The following DNM3 variants were observed in gnomAD, a reference collection of about 807,000 sequenced individuals.
DNM3 encodes dynamin-3.
DNM3 carries 47 observed loss-of-function variants against 101.6 expected under a neutral mutation model. The ratio of observed to expected loss-of-function variants is 0.46; its 90% confidence interval spans 0.37 to 0.59. The LOEUF (loss-of-function observed/expected upper bound fraction) is 0.59, where lower values mean the gene tolerates loss of function less well. Ranked by LOEUF, DNM3 falls within the 20% of genes least tolerant of loss-of-function variation. The pLI is 0.00. For missense variants in DNM3, 849 were observed against 1,085.7 expected, an observed-to-expected ratio of 0.78 and a Z score of 3.06; for synonymous variants, 385 against 387.9, an observed-to-expected ratio of 0.99 and a Z score of 0.09.
chr1:172,403,228 A>G (rs1280890818), intron 20 of DNM3, among the ~76,000 whole-genome samples: 1 of 152,152 alleles, frequency 6.6e-6, no homozygotes, highest in Non-Finnish European at 1.5e-5. Context: ...CAGTCAGATA[A>G]TTCCTACTTC....
At chr1:172,263,384 T>C (rs2062739465) in intron 15 of DNM3, among the ~76,000 whole-genome samples, 1 of 152,258 alleles carries the variant, frequency 6.6e-6, no homozygotes, top group South Asian at 2.1e-4. Flanking sequence ...TTCCAATTTA[T>C]TCTGTTATGC....
intron 15 of DNM3, among the ~76,000 whole-genome samples, chr1:172,260,536 G>C (rs764689939): frequency 6.6e-6 from 1 of 151,524 alleles, no homozygotes; most frequent in Non-Finnish European, 1.5e-5. Context: ...TTATTTTTGT[G>C]TGACTGGGTT....
At chr1:171,842,626 G>C (rs189049834) in intron 1 of DNM3, among the ~76,000 whole-genome samples, 106 of 152,006 alleles carry the variant, frequency 7.0e-4, no homozygotes, top group African/African-American at 2.5e-3. Context: ...CATCTTTCTC[G>C]CACTCTCTCT....
chr1:172,167,068 C>A (rs1475434292), intron 14 of DNM3, among the ~76,000 whole-genome samples: 2 of 151,994 alleles, frequency 1.3e-5, no homozygotes, highest in Non-Finnish European at 2.9e-5. Flanking sequence ...ATCCCTCCCC[C>A]ATCTCCCCAC....
At chr1:172,077,353 T>C (rs1230139206) in intron 11 of DNM3, among the ~76,000 whole-genome samples, 2 of 152,178 alleles carry the variant, frequency 1.3e-5, no homozygotes, top group African/African-American at 4.8e-5. Context: ...TCTTGTCTTC[T>C]GTTACCTTTT....
At chr1:172,041,864 A>G (rs1178893314) in intron 7 of DNM3, 145 bp from the exon 8 acceptor site, 1 of 698,374 alleles carries the variant, frequency 1.4e-6, no homozygotes, top group East Asian at 2.6e-5. Context: ...TGTGAGTACT[A>G]CATAGAGTGC....
chr1:172,342,012 C>T (rs2066708912), intron 17 of DNM3, among the ~76,000 whole-genome samples: 1 of 152,046 alleles, frequency 6.6e-6, no homozygotes, highest in African/African-American at 2.4e-5. Context: ...TGTTCAACAT[C>T]ACTAATCATT....
chr1:172,361,353 T>A (rs1292229625), intron 17 of DNM3, among the ~76,000 whole-genome samples: 1 of 152,012 alleles, frequency 6.6e-6, no homozygotes, highest in African/African-American at 2.4e-5. Context: ...CATTTGAATG[T>A]TAAAACATAG....
Position 172,408,464 on chromosome 1 carries a change from T to G in DNM3, c.*623T>G. 1 of 985,414 alleles carries G rather than the reference T, an allele frequency of 1.0e-6. No homozygotes were observed. The highest frequency in any genetic ancestry group is 1.2e-6 in the Non-Finnish European group (1 of 829,916). The allele number at this position is 985,414 out of a possible 1,614,324, so 61.0% of individuals were successfully genotyped here. ...GTTTGCTCTAAAGAGCTTCTCCTCA[T>G]TCCAATGTGTTTTGCTTCATGCTAG... On this transcript the variant is annotated 3_prime_UTR_variant, in exon 21 of 21. Transcript: ENST00000627582.
intron 2 of DNM3, among the ~76,000 whole-genome samples, chr1:171,950,326 T>A (rs2042437920): frequency 6.6e-6 from 1 of 152,176 alleles, no homozygotes; most frequent in Non-Finnish European, 1.5e-5. Context: ...GAAACTATAA[T>A]TTAAATTTTT....
At chr1:172,063,775 C>CAAAAAAAAAA (rs11317272) in intron 10 of DNM3, among the ~76,000 whole-genome samples, 1 of 87,774 alleles carries the variant, frequency 1.1e-5, no homozygotes, top group Non-Finnish European at 2.4e-5. Context: ...GAGACTTTGT[C>CAAAAAAAAAA]AAAAAAAAAA....
At chr1:172,321,923 A>G (rs1324070915) in intron 16 of DNM3, among the ~76,000 whole-genome samples, 1 of 152,132 alleles carries the variant, frequency 6.6e-6, no homozygotes, top group Non-Finnish European at 1.5e-5. Flanking sequence ...ATCATTTTTA[A>G]AAAGGACTCT....
At chr1:172,284,673 T>C (rs778444715) in intron 15 of DNM3, among the ~76,000 whole-genome samples, 11 of 152,212 alleles carry the variant, frequency 7.2e-5, no homozygotes, top group Non-Finnish European at 1.6e-4. Flanking sequence ...TTCCATTTTC[T>C]TCTACAGAGA....
intron 12 of DNM3, among the ~76,000 whole-genome samples, chr1:172,083,382 C>A (rs1438039522): frequency 3.9e-5 from 6 of 152,170 alleles, no homozygotes; most frequent in African/African-American, 1.4e-4. Context: ...CTGACACATT[C>A]TTCATTTTCC....
intron 14 of DNM3, among the ~76,000 whole-genome samples, chr1:172,140,922 T>A: frequency 6.6e-6 from 1 of 152,006 alleles, no homozygotes; most frequent in Non-Finnish European, 1.5e-5. Flanking sequence ...AATTATAGGT[T>A]GAATATTAGT....
intron 4 of DNM3, among the ~76,000 whole-genome samples, chr1:172,006,196 A>G (rs2046676530): frequency 6.6e-6 from 1 of 152,090 alleles, no homozygotes; most frequent in East Asian, 1.9e-4. Flanking sequence ...AAGTCTTTCT[A>G]TGCTGGCAGT....
intron 18 of DNM3, among the ~76,000 whole-genome samples, chr1:172,379,953 C>A (rs1405442193): frequency 6.6e-6 from 1 of 151,962 alleles, no homozygotes; most frequent in African/African-American, 2.4e-5. Context: ...TTTTCTGAAT[C>A]TTGACAAGTG....
At chr1:172,048,181 A>G (rs1558481964) in intron 9 of DNM3, among the ~76,000 whole-genome samples, 2 of 152,162 alleles carry the variant, frequency 1.3e-5, no homozygotes, top group African/African-American at 4.8e-5. Flanking sequence ...TTACTGTCTT[A>G]TACTCCCAGT....
chr1:172,027,962 C>T (rs1046794553), intron 4 of DNM3, among the ~76,000 whole-genome samples: 17 of 152,120 alleles, frequency 1.1e-4, no homozygotes, highest in African/African-American at 4.1e-4. Context: ...TGGACTTCCA[C>T]ATAATAATAG....
Sources: allele counts gnomAD v4.1 joint callset (sites outside exome capture counted in the v4.1 genomes callset), GRCh38; gene constraint gnomAD v4.1.1; transcripts MANE v1.5; gene names NCBI Gene and HGNC (gene_info 2026-07-23, HGNC 2026-07-21).